The following TM9SF3 variants were observed in gnomAD, a reference collection of about 807,000 sequenced individuals.
The protein encoded by TM9SF3 is SM-11044-binding protein.
Under a neutral mutation model 78.6 loss-of-function variants are expected in TM9SF3, and 14 were observed. That is an observed-to-expected ratio of 0.18 (90% CI 0.12 to 0.28). The LOEUF (loss-of-function observed/expected upper bound fraction) is 0.28. TM9SF3 is among the 10% of genes least tolerant of loss of function. The pLI is 1.00. For synonymous variants in TM9SF3, 231 were observed against 241.7 expected (o/e 0.96, Z 0.41); for missense variants, 496 against 721.9 (o/e 0.69, Z 3.59).
chr10:96,525,446 T>C (rs1291841817), intron 14 of TM9SF3, among the ~76,000 whole-genome samples: 1 of 152,040 alleles, frequency 6.6e-6, no homozygotes, highest in East Asian at 1.9e-4. Flanking sequence ...ATCTCATTTG[T>C]GTGTGCGCAC....
At chr10:96,565,481 A>T (rs1372014790) in intron 2 of TM9SF3, 55 bp from the exon 3 acceptor site, 21 of 408,138 alleles carry the variant, frequency 5.1e-5, no homozygotes, top group Non-Finnish European at 7.5e-5. Context: ...TAGTTACATT[A>T]AAAAAAAAAA....
At chr10:96,582,845 C>T (rs768915820) in intron 1 of TM9SF3, among the ~76,000 whole-genome samples, 2 of 151,828 alleles carry the variant, frequency 1.3e-5, no homozygotes, top group African/African-American at 2.4e-5. Flanking sequence ...TTTGGGAGGC[C>T]GAGGCAGGCG....
At chr10:96,534,236 C>T (rs907598073) in intron 9 of TM9SF3, among the ~76,000 whole-genome samples, 1 of 152,156 alleles carries the variant, frequency 6.6e-6, no homozygotes, top group Non-Finnish European at 1.5e-5. Context: ...GTACTGTCAT[C>T]TCCTTTTCAG....
At chr10:96,546,122 G>A (rs2134140237) in intron 8 of TM9SF3, among the ~76,000 whole-genome samples, 1 of 152,286 alleles carries the variant, frequency 6.6e-6, no homozygotes, top group South Asian at 2.1e-4. Flanking sequence ...GTGCACTGAG[G>A]ACAGTGTGAA....
At chr10:96,576,976 A>G (rs1848504297) in intron 1 of TM9SF3, 147 bp from the exon 2 acceptor site, 1 of 565,922 alleles carries the variant, frequency 1.8e-6, no homozygotes. Flanking sequence ...TCTGATGATG[A>G]ATGTCCACAT....
chr10:96,534,356 T>C (rs144427600), intron 9 of TM9SF3, among the ~76,000 whole-genome samples: 2,076 of 152,320 alleles, frequency 0.014, 32 homozygotes, highest in African/African-American at 0.044. Flanking sequence ...CTATGAATAA[T>C]ATGAATTTAT....
intron 1 of TM9SF3, among the ~76,000 whole-genome samples, chr10:96,579,211 GTA>G (rs1848532725): frequency 6.6e-6 from 1 of 152,220 alleles, no homozygotes; most frequent in Non-Finnish European, 1.5e-5. Context: ...TGACTGCTAT[GTA>G]CCCTGACTGT....
At chr10:96,573,042 A>G (rs1263365038) in intron 2 of TM9SF3, among the ~76,000 whole-genome samples, 4 of 152,192 alleles carry the variant, frequency 2.6e-5, no homozygotes. Context: ...GTGTGTATGC[A>G]TATGTAAACA....
chr10:96,560,719 C>T, intron 4 of TM9SF3: 2 of 576,936 alleles, frequency 3.5e-6, no homozygotes, highest in Non-Finnish European at 6.7e-6. Context: ...GAAAAACCAC[C>T]AGTGAAGAAA....
intron 2 of TM9SF3, among the ~76,000 whole-genome samples, chr10:96,571,924 G>C (rs1244037116): frequency 6.6e-6 from 1 of 152,188 alleles, no homozygotes; most frequent in Admixed American, 6.5e-5. Context: ...TACTATTCCA[G>C]ATCATCTAAT....
chr10:96,557,298 A>G (rs1373353791), intron 5 of TM9SF3, among the ~76,000 whole-genome samples: 1 of 151,882 alleles, frequency 6.6e-6, no homozygotes, highest in Non-Finnish European at 1.5e-5. Context: ...TCCCCTCTAA[A>G]TCTCCTCCAA....
chr10:96,567,084 C>CTTTTTTTTTTT (rs5787198), intron 2 of TM9SF3, among the ~76,000 whole-genome samples: 1 of 124,846 alleles, frequency 8.0e-6, no homozygotes, highest in Non-Finnish European at 1.6e-5. Flanking sequence ...TGTATAAAGC[C>CTTTTTTTTTTT]TTTTTTTTTT....
At chr10:96,578,084 A>C (rs999560573) in intron 1 of TM9SF3, among the ~76,000 whole-genome samples, 1 of 152,186 alleles carries the variant, frequency 6.6e-6, no homozygotes, top group African/African-American at 2.4e-5. Context: ...CAAAAACATT[A>C]ACTTGTATGT....
intron 9 of TM9SF3, among the ~76,000 whole-genome samples, chr10:96,533,521 T>C (rs1847920962): frequency 6.6e-6 from 1 of 152,220 alleles, no homozygotes; most frequent in African/African-American, 2.4e-5. Flanking sequence ...TTGTCTTTCA[T>C]TATTATAACC....
Position 96,526,197 on chromosome 10 carries a change from T to G in TM9SF3, c.1702+1016A>C, listed in dbSNP as rs79616676. On this transcript the variant is annotated intron_variant, in intron 14 of 14. Transcript: ENST00000371142. ...AGTAACATGGCTATTAAGTGGGGAG[T>G]TCACACCCAGAACAGACTGACCCCA... Among the ~76,000 whole-genome samples, 1,210 of 152,086 alleles carry G rather than the reference T, an allele frequency of 8.0e-3. 20 individuals are homozygous for G. Among genetic ancestry groups the G allele is most frequent in the African/African-American group, 0.028 (1,159 of 41,488 alleles).
chr10:96,560,808 T>C (rs1324677383), intron 4 of TM9SF3: 1 of 550,116 alleles, frequency 1.8e-6, no homozygotes, highest in South Asian at 1.4e-5. Context: ...AACACTAAGA[T>C]CAAAAGGACA....
At chr10:96,548,015 A>T (rs778158635) in intron 7 of TM9SF3, 26 bp from the exon 8 acceptor site, 1 of 1,481,890 alleles carries the variant, frequency 6.7e-7, no homozygotes, top group Non-Finnish European at 9.2e-7. Context: ...AGAAAAAAAA[A>T]ATTAAAACCA....
chr10:96,572,848 T>C (rs1685677213), intron 2 of TM9SF3, among the ~76,000 whole-genome samples: 1 of 152,154 alleles, frequency 6.6e-6, no homozygotes, highest in South Asian at 2.1e-4. Flanking sequence ...TTTAGCATTT[T>C]TGTCTAGTGC....
rs2134141368 is a variant in TM9SF3, at chr10:96,547,990, C to CAGTATA, written c.960-2_960-1insTATACT. On this transcript the variant is annotated splice_acceptor_variant, in intron 7 of 14. Transcript: ENST00000371142. LOFTEE classifies it high-confidence loss of function. ...GGCTGTACTGAGCATTGATCCCCTC[C>CAGTATA]TAAAAAGGCAAAAAAGAAAAAAAAA... The CAGTATA allele has an allele frequency of 1.3e-6, 2 of 1,577,220 alleles. No individual in the cohort carries two copies. Among genetic ancestry groups the CAGTATA allele is most frequent in the Non-Finnish European group, 1.7e-6 (2 of 1,167,280 alleles).
Sources: gnomAD v4.1 joint callset for allele counts (sites outside exome capture counted in the v4.1 genomes callset) on GRCh38, gnomAD v4.1.1 for gene constraint, MANE v1.5 for transcripts, NCBI Gene and HGNC (gene_info 2026-07-23, HGNC 2026-07-21) for gene names.